Variants in KCTD9 observed in about 807,000 individuals in gnomAD.
KCTD9 encodes BTB/POZ domain-containing protein KCTD9.
A neutral mutation model predicts 53.3 loss-of-function variants in KCTD9; 17 were observed. That is an observed-to-expected ratio of 0.32 (90% CI 0.22 to 0.48). The LOEUF is 0.48. Among genes scored for constraint, KCTD9 ranks in the 20% least tolerant of loss-of-function variants. The probability of loss-of-function intolerance (pLI) is 0.99; values close to 1 mark genes in which losing one functional copy is unlikely to be tolerated. For missense variants in KCTD9, 179 were observed against 465.5 expected, an observed-to-expected ratio of 0.38 and a Z score of 5.66; for synonymous variants, 128 against 162.7, an observed-to-expected ratio of 0.79 and a Z score of 1.62.
intron 1 of KCTD9, among the ~76,000 whole-genome samples, chr8:25,452,217 A>T (rs1019826189): frequency 3.4e-4 from 52 of 152,050 alleles, no homozygotes; most frequent in Non-Finnish European, 6.5e-4. Context: ...GAGATAATTT[A>T]AAAAAAAGAT....
chr8:25,457,388 A>C (rs1350858046), intron 1 of KCTD9: 1 of 985,012 alleles, frequency 1.0e-6, no homozygotes, highest in Non-Finnish European at 1.2e-6. Context: ...TTCCCAAAGG[A>C]GCAGAACAAC....
chr8:25,433,598 C>T (rs116666017), intron 9 of KCTD9, among the ~76,000 whole-genome samples, 163 bp from the exon 10 acceptor site: 341 of 152,236 alleles, frequency 2.2e-3, no homozygotes, highest in African/African-American at 7.9e-3. Flanking sequence ...TAATTAAATA[C>T]AGTAAGAACT....
intron 1 of KCTD9, among the ~76,000 whole-genome samples, chr8:25,448,258 G>C (rs991489446): frequency 6.6e-6 from 1 of 152,140 alleles, no homozygotes; most frequent in Non-Finnish European, 1.5e-5. Flanking sequence ...CTTTTTGACA[G>C]TATGCTAAAT....
intron 1 of KCTD9, chr8:25,451,388 T>G (rs917128233): frequency 6.6e-6 from 1 of 152,164 alleles, no homozygotes; most frequent in African/African-American, 2.4e-5. Flanking sequence ...TAAGCTCCAG[T>G]TAGTATATAC....
At chr8:25,434,816 T>C (rs1029502776) in intron 9 of KCTD9, among the ~76,000 whole-genome samples, 3 of 152,216 alleles carry the variant, frequency 2.0e-5, no homozygotes, top group African/African-American at 7.2e-5. Context: ...GGTCTGCATA[T>C]ATCCTCTAAC....
intron 11 of KCTD9, among the ~76,000 whole-genome samples, chr8:25,430,583 C>G (rs545547621): frequency 6.6e-6 from 1 of 152,166 alleles, no homozygotes; most frequent in East Asian, 1.9e-4. Flanking sequence ...CTCAGGGCTC[C>G]CACTGATTCT....
chr8:25,437,260 T>C (rs1802034127), intron 6 of KCTD9, among the ~76,000 whole-genome samples: 1 of 152,108 alleles, frequency 6.6e-6, no homozygotes, highest in Non-Finnish European at 1.5e-5. Flanking sequence ...ATAAAAGAGG[T>C]TCTTGTGGGC....
intron 1 of KCTD9, among the ~76,000 whole-genome samples, chr8:25,456,713 G>C (rs1052767692): frequency 3.3e-5 from 5 of 151,932 alleles, no homozygotes; most frequent in Non-Finnish European, 7.4e-5. Context: ...AAAAATCCGT[G>C]TGAACAACAA....
chr8:25,439,851 T>C, intron 4 of KCTD9, 187 bp from the exon 5 acceptor site: 2 of 1,220,806 alleles, frequency 1.6e-6, no homozygotes, highest in Non-Finnish European at 2.2e-6. Context: ...AATAGGGTAC[T>C]TCCTTTGATT....
chr8:25,455,001 G>C (rs1057213904), intron 1 of KCTD9, among the ~76,000 whole-genome samples: 20 of 152,126 alleles, frequency 1.3e-4, no homozygotes, highest in African/African-American at 3.4e-4. Flanking sequence ...CAAGGCAGGT[G>C]GATCACATGA....
chr8:25,448,389 T>G (rs529245417), intron 1 of KCTD9, among the ~76,000 whole-genome samples: 2 of 152,306 alleles, frequency 1.3e-5, no homozygotes, highest in African/African-American at 4.8e-5. Flanking sequence ...TAGATGGGAA[T>G]GGAGACTTAT....
intron 4 of KCTD9, among the ~76,000 whole-genome samples, chr8:25,440,136 G>T: frequency 6.8e-6 from 1 of 146,402 alleles, no homozygotes. Context: ...TCGGCTCACT[G>T]CAAGCTCCGC....
intron 3 of KCTD9, among the ~76,000 whole-genome samples, chr8:25,444,017 A>G (rs139063721): frequency 1.5e-3 from 227 of 152,292 alleles, no homozygotes; most frequent in African/African-American, 5.1e-3. Context: ...AATTGTTTCT[A>G]AGATCAAAAC....
intron 4 of KCTD9, 156 bp from the exon 5 acceptor site, chr8:25,439,820 G>A (rs1802084744): frequency 6.9e-7 from 1 of 1,451,028 alleles, no homozygotes; most frequent in African/African-American, 1.4e-5. Flanking sequence ...GCAGTAAGTT[G>A]CCATTTATCA....
chr8:25,433,185 A>G, intron 10 of KCTD9, 145 bp downstream of exon 10: 1 of 431,334 alleles, frequency 2.3e-6, no homozygotes, highest in Non-Finnish European at 4.1e-6. Flanking sequence ...GTTTCTTACC[A>G]CTTTGGAAGT....
At chr8:25,437,035 G>A (rs1802029879) in intron 6 of KCTD9, among the ~76,000 whole-genome samples, 1 of 152,170 alleles carries the variant, frequency 6.6e-6, no homozygotes, top group African/African-American at 2.4e-5. Context: ...AGTAGATACA[G>A]AAAACCAGAA....
At chr8:25,456,862 T>A (rs903977542) in intron 1 of KCTD9, among the ~76,000 whole-genome samples, 3 of 152,172 alleles carry the variant, frequency 2.0e-5, no homozygotes, top group Non-Finnish European at 4.4e-5. Flanking sequence ...ATTAAAAAGG[T>A]CAACCAGAAG....
At chr8:25,433,847 C>T (rs933703264) in intron 9 of KCTD9, among the ~76,000 whole-genome samples, 11 of 152,114 alleles carry the variant, frequency 7.2e-5, no homozygotes, top group African/African-American at 2.7e-4. Context: ...TTTCTTATTA[C>T]TGTAGGAATC....
chr8:25,435,352 A>C lies in KCTD9; in HGVS notation c.813+11T>G. 6 of 1,552,646 alleles carry C rather than the reference A, an allele frequency of 3.9e-6. No individual in the cohort carries two copies. Among genetic ancestry groups the C allele is most frequent in the Non-Finnish European group, 5.2e-6 (6 of 1,150,078 alleles). On this transcript the variant is annotated intron_variant, in intron 9 of 11. Transcript: ENST00000221200. ...ATTTAATTTTCTCTTGTAGCCTAAAATGATACTTACGTCAAGCACTGATCC... is the reference window on the plus strand; with the variant it reads ...ATTTAATTTTCTCTTGTAGCCTAAACTGATACTTACGTCAAGCACTGATCC...
Sources: allele counts gnomAD v4.1 joint callset (sites outside exome capture counted in the v4.1 genomes callset), GRCh38; gene constraint gnomAD v4.1.1; transcripts MANE v1.5; gene names NCBI Gene and HGNC (gene_info 2026-07-23, HGNC 2026-07-21).